Variants in DPP4 observed in about 807,000 individuals in gnomAD.
DPP4 encodes ADCP-2.
In DPP4, 93 loss-of-function variants were observed where a neutral mutation model predicts 122.4. The observed-to-expected ratio is 0.76, with a 90% CI of 0.64 to 0.90. DPP4 has a LOEUF of 0.90. Among genes scored for constraint, DPP4 ranks in the 40% least tolerant of loss-of-function variants. The pLI, the probability that DPP4 is intolerant of heterozygous loss-of-function variation, is 0.00. For missense variants in DPP4, 914 were observed against 907.3 expected, an observed-to-expected ratio of 1.01 and a Z score of -0.09; for synonymous variants, 321 against 302.9, an observed-to-expected ratio of 1.06 and a Z score of -0.62.
intron 10 of DPP4, among the ~76,000 whole-genome samples, chr2:162,033,278 G>T (rs1042050285): frequency 6.6e-6 from 1 of 152,044 alleles, no homozygotes; most frequent in African/African-American, 2.4e-5. Flanking sequence ...TCTGGTTATT[G>T]TCTGTCTCCC....
rs1356446513 is a variant in DPP4 at position 162,046,975 on chromosome 2, AT to A, written c.224del (p.Asn75IlefsTer42). The A allele has an allele frequency of 9.4e-6, 15 of 1,597,274 alleles. No individual in the cohort carries two copies. Among genetic ancestry groups the A allele is most frequent in the Admixed American group, 1.7e-5 (1 of 59,850 alleles). ...DHEYLYKQEN[N>X]ILVFNAEYGN... ...CATATTCAGCATTGAATACCAAGATATTATTTTCTTGTTTGTAGAGATATTC... is the reference window on the plus strand; with the variant it reads ...CATATTCAGCATTGAATACCAAGATATATTTTCTTGTTTGTAGAGATATTC... On this transcript the variant is annotated frameshift_variant, in exon 4 of 26. Coordinates refer to ENST00000360534, the MANE Select transcript of DPP4 (RefSeq NM_001935.4). LOFTEE classifies it high-confidence loss of function.
At chr2:162,003,188 C>T (rs997541062) in intron 23 of DPP4, among the ~76,000 whole-genome samples, 1 of 152,122 alleles carries the variant, frequency 6.6e-6, no homozygotes, top group African/African-American at 2.4e-5. Context: ...TTTGTGCACC[C>T]AGTGTGCGTG....
rs374237339 is a variant in DPP4 at position 162,028,723 on chromosome 2, A to C, written c.888-3784T>G. Among the ~76,000 whole-genome samples the C allele has an allele frequency of 7.2e-5, 11 of 152,350 alleles. No individual in the cohort carries two copies. The East Asian group carries it at 1.5e-3, about 21-fold the overall frequency. On this transcript the variant is annotated intron_variant, in intron 10 of 25. Coordinates refer to ENST00000360534, the MANE Select transcript of DPP4 (RefSeq NM_001935.4). ...TTTCTGGATGTAAAATAATAAGTTC[A>C]CACCCATGTGGAGTCTACTATGTGC...
Position 162,011,809 on chromosome 2 carries a change from G to C in DPP4, c.1816C>G (p.Gln606Glu). Residue 606 changes from glutamine to glutamate, a missense_variant, in exon 20 of 26, where the codon CAA becomes GAA. By Grantham distance (29) the Gln-to-Glu change is conservative. Coordinates refer to ENST00000360534, the MANE Select transcript of DPP4 (RefSeq NM_001935.4). ...RRLGTFEVED[Q>E]IEAARQFSKM... is the part of the protein sequence containing the mutation. ...GTCACTCACCTGGCTGCTTCAATTTGATCTTCAACTTCAAATGTTCCCAGT... is the reference window on the plus strand; with the variant it reads ...GTCACTCACCTGGCTGCTTCAATTTCATCTTCAACTTCAAATGTTCCCAGT... 1 of 1,613,394 alleles carries C rather than the reference G, an allele frequency of 6.2e-7. No individual in the cohort carries two copies. Among genetic ancestry groups the C allele is most frequent in the Non-Finnish European group, 8.5e-7 (1 of 1,179,564 alleles).
At chr2:162,021,136 TA>T (rs2106102656) in intron 12 of DPP4, among the ~76,000 whole-genome samples, 1 of 152,320 alleles carries the variant, frequency 6.6e-6, no homozygotes, top group African/African-American at 2.4e-5. Context: ...AATTTGGGGA[TA>T]TTTTTCTTTC....
intron 5 of DPP4, among the ~76,000 whole-genome samples, chr2:162,042,579 C>T (rs1013427937): frequency 2.7e-5 from 4 of 149,948 alleles, no homozygotes; most frequent in South Asian, 4.2e-4. Flanking sequence ...TTAGTCAAAA[C>T]GTATATGCTG....
chr2:162,061,460 C>T (rs569541430), intron 2 of DPP4, among the ~76,000 whole-genome samples: 2 of 152,270 alleles, frequency 1.3e-5, no homozygotes, highest in East Asian at 1.9e-4. Context: ...ATTTTCTGTA[C>T]CACATATTTT....
intron 18 of DPP4, among the ~76,000 whole-genome samples, chr2:162,015,768 C>T (rs1682889421): frequency 1.3e-5 from 2 of 152,226 alleles, no homozygotes; most frequent in South Asian, 4.2e-4. Flanking sequence ...TGCAGGGGCT[C>T]CCCAGTGTTC....
chr2:162,000,143 A>C (rs1330456785), intron 23 of DPP4, among the ~76,000 whole-genome samples: 1 of 152,166 alleles, frequency 6.6e-6, no homozygotes, highest in African/African-American at 2.4e-5. Context: ...AACGGACAGC[A>C]ACCCAGCACT....
intron 5 of DPP4, among the ~76,000 whole-genome samples, chr2:162,041,193 C>A (rs1028691785): frequency 6.6e-6 from 1 of 152,000 alleles, no homozygotes; most frequent in Non-Finnish European, 1.5e-5. Context: ...CACATATTTG[C>A]ATTTATGAAA....
chr2:162,002,083 T>G (rs1269815997), intron 23 of DPP4, among the ~76,000 whole-genome samples: 2 of 152,190 alleles, frequency 1.3e-5, no homozygotes, highest in African/African-American at 4.8e-5. Context: ...ATGGCAGCTT[T>G]GAAAGAATAG....
At chr2:162,011,722 A>C in intron 20 of DPP4, 71 bp downstream of exon 20, 2 of 1,469,262 alleles carry the variant, frequency 1.4e-6, no homozygotes, top group Non-Finnish European at 1.9e-6. Context: ...TACACTTTAC[A>C]GCTTTAAAAT....
chr2:162,010,765 A>G (rs1576038022), intron 20 of DPP4, among the ~76,000 whole-genome samples: 1 of 152,170 alleles, frequency 6.6e-6, no homozygotes, highest in African/African-American at 2.4e-5. Context: ...GCTAATCATT[A>G]ACTTTAGTAA....
At chr2:161,997,536 G>T (rs970889609) in intron 23 of DPP4, among the ~76,000 whole-genome samples, 4 of 152,078 alleles carry the variant, frequency 2.6e-5, no homozygotes, top group Non-Finnish European at 5.9e-5. Flanking sequence ...CACTATATTT[G>T]GTACTAGTTT....
In DPP4 at chr2:161,994,991, C is replaced by G. The variant is rs1700962772; in HGVS notation, c.2169G>C (p.Leu723=). The change falls in exon 25 of 26, where the codon CTG becomes CTC. Residue 723 remains leucine, a synonymous_variant. Coordinates refer to ENST00000360534, the MANE Select transcript of DPP4 (RefSeq NM_001935.4). ...CCTGGAAATCCACTCCAACATCGAC[C>G]AGGGCTTTGGAGATCTGAGCTGACT... ...FQQSAQISKA[L]VDVGVDFQAM... is the part of the protein sequence containing the mutation. 6.2e-7 allele frequency: 1 copy of G among 1,614,072 alleles called. No individual in the cohort carries two copies. The highest frequency in any genetic ancestry group is 8.5e-7 in the Non-Finnish European group (1 of 1,179,990).
intron 10 of DPP4, among the ~76,000 whole-genome samples, chr2:162,030,828 C>A (rs985349513): frequency 6.6e-6 from 1 of 152,200 alleles, no homozygotes; most frequent in African/African-American, 2.4e-5. Flanking sequence ...AAACAATATT[C>A]TTTGGTAATA....
chr2:161,998,053 C>A (rs1701050022), intron 23 of DPP4, among the ~76,000 whole-genome samples: 1 of 152,170 alleles, frequency 6.6e-6, no homozygotes, highest in South Asian at 2.1e-4. Context: ...TCCTAAGACC[C>A]ATGCCGTCTC....
At chr2:161,999,576 A>C (rs575785494) in intron 23 of DPP4, among the ~76,000 whole-genome samples, 1 of 152,144 alleles carries the variant, frequency 6.6e-6, no homozygotes, top group African/African-American at 2.4e-5. Context: ...GGCAGTGCCG[A>C]CTCCACAGCA....
chr2:162,021,396 A>G (rs752331508), intron 12 of DPP4: 6 of 152,228 alleles, frequency 3.9e-5, no homozygotes, highest in Non-Finnish European at 8.8e-5. Flanking sequence ...CAGTTTAAGT[A>G]GAAGAGAGTC....
Sources: allele counts gnomAD v4.1 joint callset (sites outside exome capture counted in the v4.1 genomes callset), GRCh38; gene constraint gnomAD v4.1.1; transcripts MANE v1.5; gene names NCBI Gene and HGNC (gene_info 2026-07-23, HGNC 2026-07-21).